The following MTHFD2L variants were observed in gnomAD, a reference collection of about 807,000 sequenced individuals.
MTHFD2L encodes bifunctional methylenetetrahydrofolate dehydrogenase/cyclohydrolase 2, mitochondrial.
Under a neutral mutation model 34.9 loss-of-function variants are expected in MTHFD2L, and 29 were observed. The ratio of observed to expected loss-of-function variants is 0.83; its 90% CI spans 0.62 to 1.13. MTHFD2L has a LOEUF of 1.13. Ranked by LOEUF, MTHFD2L falls within the 50% of genes most tolerant of loss-of-function variation. The probability of loss-of-function intolerance (pLI) is 0.00; values close to 1 mark genes in which losing one functional copy is unlikely to be tolerated. For synonymous variants in MTHFD2L, 167 were observed against 155.7 expected, an observed-to-expected ratio of 1.07 and a Z score of -0.54; for missense variants, 481 against 446.5, an observed-to-expected ratio of 1.08 and a Z score of -0.70.
intron 6 of MTHFD2L, among the ~76,000 whole-genome samples, chr4:74,240,759 A>G (rs1741587428): frequency 6.6e-6 from 1 of 152,220 alleles, no homozygotes; most frequent in Non-Finnish European, 1.5e-5. Flanking sequence ...AAGAATATTT[A>G]GATGACCCAT....
intron 1 of MTHFD2L, among the ~76,000 whole-genome samples, chr4:74,151,877 A>G (rs1203034668): frequency 6.6e-6 from 1 of 152,176 alleles, no homozygotes; most frequent in Non-Finnish European, 1.5e-5. Flanking sequence ...ATGTCCCTAC[A>G]GGTTCATTGT....
At chr4:74,146,854 TCTGA>T (rs1723624879) in intron 1 of MTHFD2L, among the ~76,000 whole-genome samples, 1 of 152,088 alleles carries the variant, frequency 6.6e-6, no homozygotes, top group Admixed American at 6.6e-5. Context: ...TTTTTCCTCC[TCTGA>T]CTGTGTTTTT....
At chr4:74,121,228 A>G (rs1030345680), upstream of MTHFD2L, among the ~76,000 whole-genome samples, 1 of 152,196 alleles carries the variant, frequency 6.6e-6, no homozygotes, top group African/African-American at 2.4e-5. Flanking sequence ...AGCCAAGTGA[A>G]CTGACTTTGT....
chr4:74,239,426 A>G (rs1741366432), intron 6 of MTHFD2L, among the ~76,000 whole-genome samples: 1 of 151,890 alleles, frequency 6.6e-6, no homozygotes, highest in African/African-American at 2.4e-5. Context: ...AAAATGGCCC[A>G]TGTATACCTA....
intron 6 of MTHFD2L, among the ~76,000 whole-genome samples, chr4:74,235,784 G>T (rs115374567): frequency 0.015 from 2,257 of 152,006 alleles, 66 homozygotes; most frequent in African/African-American, 0.052. Flanking sequence ...TCAATTGATC[G>T]TATAAGAAAA....
At chr4:74,235,732 A>G (rs1740739042) in intron 6 of MTHFD2L, among the ~76,000 whole-genome samples, 1 of 152,140 alleles carries the variant, frequency 6.6e-6, no homozygotes, top group Non-Finnish European at 1.5e-5. Context: ...CTGTATACCT[A>G]GTGCCAATGA....
Position 74,180,616 on chromosome 4 carries a change from G to T in MTHFD2L, c.451+5213G>T, listed in dbSNP as rs1205889713. On this transcript the variant is annotated intron_variant, in intron 3 of 7. Transcript: ENST00000325278. ...GCATCTCATTTGAGCAACAAGCAAA[G>T]AAATGAGATAGAATTCTGTCCTGTT... is the stretch of plus-strand genomic sequence containing the variant. The T allele has an allele frequency of 1.9e-5, 7 of 367,624 alleles. 1 individual carries two copies. The highest frequency in any genetic ancestry group is 4.2e-5 in the African/African-American group (2 of 48,150). The allele number at this position is 367,624 out of a possible 1,614,324, so 22.8% of individuals were successfully genotyped here.
At chr4:74,122,075 A>C (rs1397352938), upstream of MTHFD2L, among the ~76,000 whole-genome samples, 1 of 152,004 alleles carries the variant, frequency 6.6e-6, no homozygotes, top group African/African-American at 2.4e-5. Context: ...TAATATATTC[A>C]GCAATTCTTT....
chr4:74,190,429 G>T lies in MTHFD2L; in HGVS notation c.452-9365G>T, dbSNP rs928454269. ...TTTTTACATCCTATGAAGTAAGCCTGCCTGAGGACATCCTGGGGCAGTTTT... is the reference window on the plus strand; with the variant it reads ...TTTTTACATCCTATGAAGTAAGCCTTCCTGAGGACATCCTGGGGCAGTTTT... On this transcript the variant is annotated intron_variant, in intron 3 of 7. Coordinates refer to ENST00000325278, the MANE Select transcript of MTHFD2L (RefSeq NM_001144978.3). 1.0e-5 allele frequency: 10 copies of T among 968,108 alleles called. No homozygotes were observed. The African/African-American group carries it at 1.8e-4, about 17-fold the overall frequency. 60.0% of individuals were successfully genotyped at this position (968,108 alleles called of 1,614,324 possible).
chr4:74,144,247 G>A (rs185492701), intron 1 of MTHFD2L, among the ~76,000 whole-genome samples: 2 of 152,262 alleles, frequency 1.3e-5, no homozygotes, highest in Admixed American at 1.3e-4. Context: ...GAGGTCAGGA[G>A]TTCGAGACCA....
chr4:74,298,440 G>A (rs1041171271), intron 7 of MTHFD2L, among the ~76,000 whole-genome samples: 5 of 151,864 alleles, frequency 3.3e-5, no homozygotes, highest in African/African-American at 9.7e-5. Context: ...AATTTCCGGC[G>A]GATATTATTT....
At chr4:74,162,770 T>C (rs1227394876) in intron 1 of MTHFD2L, among the ~76,000 whole-genome samples, 1 of 152,148 alleles carries the variant, frequency 6.6e-6, no homozygotes, top group Non-Finnish European at 1.5e-5. Flanking sequence ...ATTAAACTTG[T>C]CAAGTTGACA....
chr4:74,254,841 A>T (rs1169352518), intron 6 of MTHFD2L, among the ~76,000 whole-genome samples: 1 of 152,130 alleles, frequency 6.6e-6, no homozygotes, highest in Admixed American at 6.5e-5. Context: ...TAGCTGCAAG[A>T]ATTAGTTAAT....
At chr4:74,235,231 C>CCTAT (rs2110151844) in intron 6 of MTHFD2L, among the ~76,000 whole-genome samples, 1 of 152,204 alleles carries the variant, frequency 6.6e-6, no homozygotes, top group African/African-American at 2.4e-5. Flanking sequence ...ACTTGGATAG[C>CCTAT]CCCTGTGCAG....
intron 5 of MTHFD2L, among the ~76,000 whole-genome samples, chr4:74,216,120 T>C (rs892360818): frequency 1.3e-5 from 2 of 151,882 alleles, no homozygotes; most frequent in East Asian, 1.9e-4. Context: ...AATTGAATAA[T>C]ATTCATAAAA....
chr4:74,206,494 AG>A (rs1236245553), intron 5 of MTHFD2L, among the ~76,000 whole-genome samples: 1 of 152,138 alleles, frequency 6.6e-6, no homozygotes, highest in African/African-American at 2.4e-5. Flanking sequence ...GATAGATATG[AG>A]GGGAGTATAT....
At chr4:74,291,966 A>G (rs550588377) in intron 7 of MTHFD2L, among the ~76,000 whole-genome samples, 3 of 152,334 alleles carry the variant, frequency 2.0e-5, no homozygotes, top group East Asian at 3.9e-4. Context: ...AGCTTTTACT[A>G]TAAGAGAAGA....
intron 1 of MTHFD2L, among the ~76,000 whole-genome samples, chr4:74,137,875 G>A (rs182335700): frequency 6.6e-6 from 1 of 152,226 alleles, no homozygotes; most frequent in Non-Finnish European, 1.5e-5. Flanking sequence ...AATATGGCAT[G>A]TTCTTGCTCT....
At chr4:74,157,357 G>C (rs1354163968), upstream of MTHFD2L, 1 of 279,778 alleles carries the variant, frequency 3.6e-6, no homozygotes, top group Non-Finnish European at 7.0e-6. Context: ...TTCCCAGCTG[G>C]TTTTATCTGT....
Sources: allele counts gnomAD v4.1 joint callset (sites outside exome capture counted in the v4.1 genomes callset), GRCh38; gene constraint gnomAD v4.1.1; transcripts MANE v1.5; gene names NCBI Gene and HGNC (gene_info 2026-07-23, HGNC 2026-07-21).